MALRD1: variants seen among roughly 807,000 people sequenced by gnomAD.
MALRD1 encodes the protein MAM and LDL-receptor class A domain-containing protein 1.
A neutral mutation model predicts 242.1 loss-of-function variants in MALRD1; 247 were observed. The observed-to-expected ratio is 1.02, with a 90% confidence interval of 0.92 to 1.13. The LOEUF (loss-of-function observed/expected upper bound fraction) is 1.13, where lower values mean the gene tolerates loss of function less well. Ranked by LOEUF, MALRD1 falls within the 50% of genes most tolerant of loss-of-function variation. MALRD1 has a pLI of 0.00. For synonymous variants in MALRD1, 995 were observed against 866.6 expected (o/e 1.15, Z -2.60); for missense variants, 2,989 against 2,533.1 (o/e 1.18, Z -3.86).
intron 36 of MALRD1, among the ~76,000 whole-genome samples, chr10:19,622,699 G>A (rs1243315429): frequency 1.3e-5 from 2 of 149,960 alleles, no homozygotes; most frequent in African/African-American, 4.9e-5. Context: ...GAAGCTATGA[G>A]AATATGAGTA....
chr10:19,456,010 A>G (rs560685493), intron 29 of MALRD1, among the ~76,000 whole-genome samples: 2 of 152,310 alleles, frequency 1.3e-5, no homozygotes, highest in East Asian at 1.9e-4. Context: ...ACCTCAGGGT[A>G]GAATCCAATA....
intron 21 of MALRD1, among the ~76,000 whole-genome samples, chr10:19,316,116 A>T: frequency 6.6e-6 from 1 of 151,388 alleles, no homozygotes; most frequent in Non-Finnish European, 1.5e-5. Flanking sequence ...AAATTTAAGT[A>T]ATTTACTAAG....
intron 11 of MALRD1, among the ~76,000 whole-genome samples, chr10:19,149,366 G>C (rs1013157163): frequency 6.6e-6 from 1 of 151,944 alleles, no homozygotes; most frequent in African/African-American, 2.4e-5. Context: ...TAGTTTTTGT[G>C]TGTATGTGTG....
At position 19,445,742 on chromosome 10, in the gene MALRD1, C is replaced by G. The variant is rs986868871; in HGVS notation, c.4846-4565C>G. Among the ~76,000 whole-genome samples, 5 of 152,222 alleles carry G rather than the reference C, an allele frequency of 3.3e-5. 1 individual carries two copies. In the South Asian group the frequency reaches 1.0e-3, roughly 31 times the overall value. Reference sequence around the variant, plus strand: ...GTGTCTCCCACTTAGGCTACTTGGGCTCAGAGACCCACTTGAGGAGGCAGT... The same window carrying G: ...GTGTCTCCCACTTAGGCTACTTGGGGTCAGAGACCCACTTGAGGAGGCAGT... On this transcript the variant is annotated intron_variant, in intron 28 of 39. Transcript: ENST00000454679.
At position 19,216,228 on chromosome 10, in the gene MALRD1, C is replaced by A. The variant is rs112292845; in HGVS notation, c.2991+6548C>A. 9.5e-3 allele frequency among the ~76,000 whole-genome samples: 1,427 copies of A among 150,752 alleles called. 25 individuals carry two copies. The highest frequency in any genetic ancestry group is 0.033 in the African/African-American group (1,345 of 41,124). ...TGCCTCCCAAGGTCAAGTGATTCTC[C>A]TGCCTCAGCCTCCTGAGTAGCTGGG... On this transcript the variant is annotated intron_variant, in intron 18 of 39. Transcript: ENST00000454679.
intron 38 of MALRD1, among the ~76,000 whole-genome samples, chr10:19,713,571 A>G (rs1834243171): frequency 6.6e-6 from 1 of 152,274 alleles, no homozygotes; most frequent in South Asian, 2.1e-4. Flanking sequence ...AAAATATTTA[A>G]GAAGCAAGTT....
intron 33 of MALRD1, among the ~76,000 whole-genome samples, chr10:19,571,907 C>G (rs1836564018): frequency 6.6e-6 from 1 of 152,168 alleles, no homozygotes; most frequent in African/African-American, 2.4e-5. Flanking sequence ...GCTTTCTGCT[C>G]AGGTCCAGAT....
intron 38 of MALRD1, among the ~76,000 whole-genome samples, chr10:19,701,276 T>C (rs1251653007): frequency 1.3e-5 from 2 of 152,108 alleles, no homozygotes; most frequent in Non-Finnish European, 2.9e-5. Context: ...CTTCAGATCC[T>C]CAGATCCTTA....
chr10:19,102,841 C>T (rs1836317051), intron 4 of MALRD1, among the ~76,000 whole-genome samples: 1 of 133,882 alleles, frequency 7.5e-6, no homozygotes, highest in African/African-American at 2.9e-5. Flanking sequence ...CCTAATGTCA[C>T]GTTCAGTCAT....
intron 29 of MALRD1, among the ~76,000 whole-genome samples, chr10:19,475,983 G>A (rs1374308858): frequency 6.6e-6 from 1 of 152,098 alleles, no homozygotes; most frequent in Admixed American, 6.5e-5. Context: ...TATTGTTGCC[G>A]CTCCTCTCCT....
Position 19,120,041 on chromosome 10 carries a change from C to G in MALRD1, c.695-3451C>G, listed in dbSNP as rs74728979. ...TGCTGGAGTGTAGAGTTGGAGTCCA[C>G]AAAAATTTTGGGCCTGAGGTATAAT... On this transcript the variant is annotated intron_variant, in intron 5 of 39. Coordinates refer to ENST00000454679, the MANE Select transcript of MALRD1 (RefSeq NM_001142308.3). Among the ~76,000 whole-genome samples the G allele has an allele frequency of 2.5e-3, 376 of 152,124 alleles. 2 individuals carry two copies. The highest frequency in any genetic ancestry group is 8.8e-3 in the African/African-American group (366 of 41,496).
chr10:19,382,027 G>C (rs189616000), intron 26 of MALRD1, among the ~76,000 whole-genome samples: 69 of 152,134 alleles, frequency 4.5e-4, no homozygotes, highest in African/African-American at 1.6e-3. Flanking sequence ...GTGTATACTT[G>C]AGAAATAGCT....
At chr10:19,346,730 A>C (rs1052484572) in intron 24 of MALRD1, among the ~76,000 whole-genome samples, 2 of 152,058 alleles carry the variant, frequency 1.3e-5, no homozygotes, top group African/African-American at 2.4e-5. Context: ...CGCTCACTGC[A>C]CCCTCTACCT....
intron 36 of MALRD1, among the ~76,000 whole-genome samples, chr10:19,689,519 A>T (rs757783205): frequency 3.3e-5 from 5 of 152,178 alleles, no homozygotes; most frequent in Non-Finnish European, 7.4e-5. Flanking sequence ...CAAATGATGG[A>T]TAAAGTAAAG....
At chr10:19,170,994 C>G (rs1834896945) in intron 13 of MALRD1, among the ~76,000 whole-genome samples, 2 of 151,942 alleles carry the variant, frequency 1.3e-5, no homozygotes, top group Non-Finnish European at 2.9e-5. Flanking sequence ...TCTATTTTCT[C>G]TTGGATTCAT....
intron 28 of MALRD1, among the ~76,000 whole-genome samples, chr10:19,441,580 C>T (rs1834653391): frequency 6.6e-6 from 1 of 152,138 alleles, no homozygotes; most frequent in Non-Finnish European, 1.5e-5. Flanking sequence ...TTCCCCAGCA[C>T]CATTTATTAA....
chr10:19,329,118 CT>C (rs1184540696), intron 23 of MALRD1, among the ~76,000 whole-genome samples: 3 of 152,132 alleles, frequency 2.0e-5, no homozygotes, highest in African/African-American at 4.8e-5. Context: ...GAGTATACCC[CT>C]GATTTTTTTG....
At chr10:19,276,538 T>G (rs1840535699) in intron 19 of MALRD1, among the ~76,000 whole-genome samples, 1 of 152,180 alleles carries the variant, frequency 6.6e-6, no homozygotes, top group African/African-American at 2.4e-5. Flanking sequence ...TATAATCTCA[T>G]TATAGATTTA....
chr10:19,213,467 C>T (rs944559866), intron 18 of MALRD1, among the ~76,000 whole-genome samples: 1 of 152,154 alleles, frequency 6.6e-6, no homozygotes, highest in Non-Finnish European at 1.5e-5. Context: ...CTCCTGACTT[C>T]GTGATCCACC....
Sources: gnomAD v4.1 joint callset for allele counts (sites outside exome capture counted in the v4.1 genomes callset) on GRCh38, gnomAD v4.1.1 for gene constraint, MANE v1.5 for transcripts, NCBI Gene and HGNC (gene_info 2026-07-23, HGNC 2026-07-21) for gene names.